Variants in CNTN5 observed in about 807,000 individuals in gnomAD.
CNTN5 encodes contactin-5.
CNTN5 carries 77 observed loss-of-function variants against 129.1 expected under a neutral mutation model. The ratio of observed to expected loss-of-function variants is 0.60; its 90% CI spans 0.50 to 0.72. The LOEUF is 0.72. Ranked by LOEUF, CNTN5 falls within the 30% of genes least tolerant of loss-of-function variation. CNTN5 has a pLI of 0.00. For missense variants in CNTN5, 1,478 were observed against 1,328.8 expected (o/e 1.11, Z -1.75); for synonymous variants, 509 against 465.6 (o/e 1.09, Z -1.20).
chr11:99,794,526 C>G (rs1945865237), intron 3 of CNTN5, among the ~76,000 whole-genome samples: 1 of 152,122 alleles, frequency 6.6e-6, no homozygotes, highest in South Asian at 2.1e-4. Flanking sequence ...TGTCACTGGT[C>G]TGTATACTTA....
At chr11:99,362,327 GTTGT>G (rs1001657103) in intron 2 of CNTN5, among the ~76,000 whole-genome samples, 2 of 151,770 alleles carry the variant, frequency 1.3e-5, no homozygotes, top group African/African-American at 4.8e-5. Flanking sequence ...CTTTAATTGG[GTTGT>G]TTATTTTGTT....
At chr11:100,352,901 GACA>G (rs1193593968) in intron 24 of CNTN5, among the ~76,000 whole-genome samples, 2 of 151,590 alleles carry the variant, frequency 1.3e-5, no homozygotes, top group East Asian at 1.9e-4. Context: ...CAGATTCCTA[GACA>G]ACAATACAGT....
At chr11:99,534,578 C>G (rs904890488) in intron 2 of CNTN5, among the ~76,000 whole-genome samples, 4 of 152,112 alleles carry the variant, frequency 2.6e-5, no homozygotes, top group South Asian at 2.1e-4. Flanking sequence ...TTTACACACA[C>G]TCATACAAAA....
chr11:100,009,281 T>C (rs1940380590), intron 9 of CNTN5, among the ~76,000 whole-genome samples: 1 of 152,060 alleles, frequency 6.6e-6, no homozygotes, highest in Non-Finnish European at 1.5e-5. Context: ...TAGAAATAGC[T>C]CTTAAAATAG....
At chr11:100,218,228 A>G (rs1018999247) in intron 15 of CNTN5, among the ~76,000 whole-genome samples, 1 of 152,232 alleles carries the variant, frequency 6.6e-6, no homozygotes. Flanking sequence ...AATGTAACAT[A>G]TATCACTGTA....
At chr11:99,055,659 T>A (rs980436882) in intron 1 of CNTN5, among the ~76,000 whole-genome samples, 2 of 151,988 alleles carry the variant, frequency 1.3e-5, no homozygotes, top group Admixed American at 1.3e-4. Flanking sequence ...TTTTAATGCT[T>A]GCCATATCCC....
At chr11:100,069,408 G>A (rs1943818868) in intron 10 of CNTN5, among the ~76,000 whole-genome samples, 1 of 151,896 alleles carries the variant, frequency 6.6e-6, no homozygotes, top group African/African-American at 2.4e-5. Context: ...CTCTGCCTTG[G>A]CCTCTCAAAT....
intron 1 of CNTN5, among the ~76,000 whole-genome samples, chr11:99,239,352 G>A (rs2135751892): frequency 6.6e-6 from 1 of 152,280 alleles, no homozygotes; most frequent in Non-Finnish European, 1.5e-5. Flanking sequence ...ATATGTGTAT[G>A]CAAGTATGTT....
chr11:100,148,582 C>G (rs551666358), intron 13 of CNTN5, among the ~76,000 whole-genome samples: 1 of 152,134 alleles, frequency 6.6e-6, no homozygotes, highest in Non-Finnish European at 1.5e-5. Context: ...TTGTGTGAGT[C>G]GTTTTTGCCA....
intron 2 of CNTN5, among the ~76,000 whole-genome samples, chr11:99,488,894 G>A (rs1352699478): frequency 6.6e-6 from 1 of 151,686 alleles, no homozygotes; most frequent in Admixed American, 6.6e-5. Context: ...GCATTGTTCT[G>A]AATACTAGAA....
At chr11:99,306,746 GATAATAATAATAATAATA>G (rs3084742) in intron 1 of CNTN5, among the ~76,000 whole-genome samples, 3 of 147,042 alleles carry the variant, frequency 2.0e-5, no homozygotes, top group Admixed American at 6.8e-5. Context: ...AAATAATGAT[GATAATAATAATAATAATA>G]ATAATAATAA....
Position 99,777,971 on chromosome 11 carries a change from T to C in CNTN5, c.56-41573T>C, listed in dbSNP as rs138479196. Among the ~76,000 whole-genome samples, 1,234 of 151,976 alleles carry C rather than the reference T, an allele frequency of 8.1e-3. 19 individuals are homozygous for C. The highest frequency in any genetic ancestry group is 0.028 in the African/African-American group (1,168 of 41,536). On this transcript the variant is annotated intron_variant, in intron 3 of 24. Transcript: ENST00000524871. The stretch of plus-strand genomic sequence containing the variant: ...GGTAATTGGGTATTCTGTGATATTG[T>C]TTAACAGCCATAATAGGCGTACCCT...
At chr11:99,963,577 G>A (rs1008980649) in intron 8 of CNTN5, among the ~76,000 whole-genome samples, 3 of 152,198 alleles carry the variant, frequency 2.0e-5, no homozygotes, top group Non-Finnish European at 2.9e-5. Context: ...GGTATAGTTT[G>A]AGGTCAGGTA....
rs1342996768 is a variant in CNTN5 at position 100,014,074 on chromosome 11, A to G, written c.980+11938A>G. On this transcript the variant is annotated intron_variant, in intron 9 of 24. Transcript: ENST00000524871. ...AAGGTTTTCATATGCAGTTCTTAGA[A>G]TGATTTCATGGTAACTTGGAAATTA... Among the ~76,000 whole-genome samples the G allele has an allele frequency of 2.6e-5, 4 of 152,288 alleles. No homozygotes were observed. The East Asian group carries it at 7.7e-4, about 29-fold the overall frequency.
intron 9 of CNTN5, among the ~76,000 whole-genome samples, chr11:100,032,247 T>G (rs1941751184): frequency 6.6e-6 from 1 of 152,196 alleles, no homozygotes; most frequent in Admixed American, 6.5e-5. Context: ...TTAGGTTATC[T>G]GAGTGTTCTA....
At chr11:100,315,881 A>T (rs1260993373) in intron 21 of CNTN5, among the ~76,000 whole-genome samples, 1 of 152,164 alleles carries the variant, frequency 6.6e-6, no homozygotes, top group African/African-American at 2.4e-5. Flanking sequence ...GATATGTGAA[A>T]TGTCTAGCTT....
chr11:99,199,972 A>G (rs921120026), intron 1 of CNTN5, among the ~76,000 whole-genome samples: 8 of 152,028 alleles, frequency 5.3e-5, no homozygotes, highest in Non-Finnish European at 1.2e-4. Flanking sequence ...CATCAACATC[A>G]TCATCATCAT....
At chr11:99,381,644 A>T (rs1401855338) in intron 2 of CNTN5, among the ~76,000 whole-genome samples, 4 of 152,144 alleles carry the variant, frequency 2.6e-5, no homozygotes, top group African/African-American at 7.2e-5. Context: ...CTTAATTTTA[A>T]TGTATGTGGC....
At position 99,114,960 on chromosome 11, in the gene CNTN5, G is replaced by A. The variant is rs368410277; in HGVS notation, c.-210+93690G>A. On this transcript the variant is annotated intron_variant, in intron 1 of 24. Transcript: ENST00000524871. ...TGGACCATAAACGCAAAACTCTTAC[G>A]AAGGGGATTAGTGCCCTTATAGAAG... Among the ~76,000 whole-genome samples the A allele has an allele frequency of 2.1e-4, 32 of 152,250 alleles. 1 individual carries two copies. Among genetic ancestry groups the A allele is most frequent in the African/African-American group, 7.5e-4 (31 of 41,546 alleles).
Sources: allele counts gnomAD v4.1 joint callset (sites outside exome capture counted in the v4.1 genomes callset), GRCh38; gene constraint gnomAD v4.1.1; transcripts MANE v1.5; gene names NCBI Gene and HGNC (gene_info 2026-07-23, HGNC 2026-07-21).